The following BSN variants were observed in gnomAD, a reference collection of about 807,000 sequenced individuals.
BSN encodes the protein bassoon presynaptic cytomatrix protein, also known as protein bassoon.
BSN carries 57 observed loss-of-function variants against 264.8 expected under a neutral mutation model. That is an observed-to-expected ratio of 0.22 (90% CI 0.17 to 0.27). The LOEUF (loss-of-function observed/expected upper bound fraction) is 0.27. Ranked by LOEUF, BSN falls within the 10% of genes least tolerant of loss-of-function variation. BSN has a pLI of 1.00. For missense variants in BSN, 4,615 were observed against 5,232.5 expected, an observed-to-expected ratio of 0.88 and a Z score of 3.64; for synonymous variants, 2,059 against 2,137.3, an observed-to-expected ratio of 0.96 and a Z score of 1.01.
Position 49,654,599 on chromosome 3 carries a change from C to T in BSN, c.5043C>T (p.Asp1681=). The T allele has an allele frequency of 6.2e-7, 1 of 1,613,208 alleles. No individual in the cohort carries two copies. Among genetic ancestry groups the T allele is most frequent in the Non-Finnish European group, 8.5e-7 (1 of 1,179,478 alleles). Residue 1681 remains aspartate, a synonymous_variant, in exon 5 of 12, where the codon GAC becomes GAT. Coordinates refer to ENST00000296452, the MANE Select transcript of BSN (RefSeq NM_003458.4). This position sits in a 1 kb window ranked among gnomAD's most constrained non-coding sequence, Gnocchi z 4.1. The stretch of plus-strand genomic sequence containing the variant: ...AGCCCACTCCCATCATCCTCACTGA[C>T]CAGGGCATGGACCTCACCTCTCTTG... The part of the protein sequence containing the change: ...AVKPTPIILT[D]QGMDLTSLAV...
intron 1 of BSN, among the ~76,000 whole-genome samples, chr3:49,601,942 G>A (rs1175653868): frequency 1.3e-5 from 2 of 152,218 alleles, no homozygotes; most frequent in African/African-American, 4.8e-5. Context: ...AGAAGCAGGA[G>A]AACTTGGTGT....
chr3:49,634,002 C>T (rs184647251), intron 2 of BSN, among the ~76,000 whole-genome samples: 41 of 152,030 alleles, frequency 2.7e-4, no homozygotes, highest in African/African-American at 8.0e-4. Flanking sequence ...GTCAGGAGAT[C>T]GAGACCATCT....
chr3:49,654,393 C>T lies in BSN; in HGVS notation c.4837C>T (p.Pro1613Ser). The change falls in exon 5 of 12, where the codon CCT becomes TCT. Residue 1613 changes from proline (P) to serine (S), a missense_variant. Pro to Ser is a moderately conservative substitution (Grantham distance 74). This residue lies in a region of BSN where 3,415 missense variants were observed against 3,866.4 expected (regional missense o/e 0.88). Transcript: ENST00000296452. This position sits in a 1 kb window ranked among gnomAD's most constrained non-coding sequence, Gnocchi z 4.1. Reference protein sequence around the residue: ...SQLPPEPPGPPGFPRVPSAGA... With the variant: ...SQLPPEPPGPSGFPRVPSAGA... Reference sequence around the variant, plus strand: ...GCTGCCCCCAGAGCCACCTGGGCCACCTGGCTTTCCACGGGTGCCCAGTGC... The same window carrying T: ...GCTGCCCCCAGAGCCACCTGGGCCATCTGGCTTTCCACGGGTGCCCAGTGC... 2 of 1,604,520 alleles carry T rather than the reference C, an allele frequency of 1.2e-6. No homozygotes were observed. The highest frequency in any genetic ancestry group is 1.7e-6 in the Non-Finnish European group (2 of 1,176,058).
At position 49,625,316 on chromosome 3, in the gene BSN, C is replaced by A. The variant is rs773807379; in HGVS notation, c.566C>A (p.Thr189Asn). Residue 189 changes from threonine to asparagine, a missense_variant, in exon 2 of 12, where the codon ACC becomes AAC. By Grantham distance (65) the Thr-to-Asn change is moderately conservative (BLOSUM62 0). Transcript: ENST00000296452. The surrounding 1 kb of genome is among the most constrained non-coding windows in gnomAD (Gnocchi z 4.4). ...ACCCCCAGCCAGCCAAACTTCAACACCTGCACCCAGTGTCACAACAAGGTC... is the reference window on the plus strand; with the variant it reads ...ACCCCCAGCCAGCCAAACTTCAACAACTGCACCCAGTGTCACAACAAGGTC... ...TSTPSQPNFN[T>N]CTQCHNKVCN... 6.3e-7 allele frequency: 1 copy of A among 1,590,648 alleles called. No individual in the cohort carries two copies. The highest frequency in any genetic ancestry group is 8.6e-7 in the Non-Finnish European group (1 of 1,168,916).
Position 49,655,301 on chromosome 3 carries a change from C to T in BSN, c.5745C>T (p.Gly1915=), listed in dbSNP as rs1476670355. 4 of 1,611,972 alleles carry T rather than the reference C, an allele frequency of 2.5e-6. No homozygotes were observed. The highest frequency in any genetic ancestry group is 1.7e-5 in the Admixed American group (1 of 59,914). Residue 1915 remains glycine (G), a synonymous_variant, in exon 5 of 12, where the codon GGC becomes GGT. Transcript: ENST00000296452. ...YKLPFGSSCT[G]TFHPAPSVPE... ...TCCCCTTTGGCAGCAGCTGCACTGG[C>T]ACCTTCCACCCGGCCCCCAGTGTGC...
intron 3 of BSN, among the ~76,000 whole-genome samples, chr3:49,645,251 T>C (rs764177794): frequency 1.3e-5 from 2 of 152,186 alleles, no homozygotes; most frequent in African/African-American, 2.4e-5. Flanking sequence ...GAAGTCTCTC[T>C]AACTCCTTTC....
chr3:49,662,310 G>A lies in BSN; in HGVS notation c.10465G>A (p.Ala3489Thr), dbSNP rs747138551. The change falls in exon 6 of 12, where the codon GCC becomes ACC. Residue 3489 changes from alanine to threonine, a missense_variant. Transcript: ENST00000296452. ...AGPKPSSLSM[A>T]HSRVRPPMRS... ...CCCCAAGCCCTCATCCCTAAGTATG[G>A]CCCACAGCCGGGTACGACCCCCCAT... The A allele has an allele frequency of 1.2e-6, 2 of 1,613,756 alleles. No homozygotes were observed. The highest frequency in any genetic ancestry group is 1.1e-5 in the South Asian group (1 of 91,086).
chr3:49,605,619 AAATAT>A (rs2052122930), intron 1 of BSN, among the ~76,000 whole-genome samples: 2 of 21,016 alleles, frequency 9.5e-5, no homozygotes, highest in South Asian at 2.1e-3. Flanking sequence ...TATTATATAT[AAATAT>A]AATATATATT....
intron 1 of BSN, among the ~76,000 whole-genome samples, chr3:49,555,252 A>G (rs2051656284): frequency 6.6e-6 from 1 of 152,240 alleles, no homozygotes; most frequent in African/African-American, 2.4e-5. Flanking sequence ...AGTGGCTGTC[A>G]GGGAAGATAA....
Position 49,654,112 on chromosome 3 carries a change from G to C in BSN, c.4556G>C (p.Arg1519Pro). The change falls in exon 5 of 12, where the codon CGG (arginine) becomes CCG (proline). Residue 1519 changes from arginine to proline, a missense_variant. Transcript: ENST00000296452. The surrounding 1 kb of genome is among the most constrained non-coding windows in gnomAD (Gnocchi z 4.1). Reference sequence around the variant, plus strand: ...CCAGCCCCTGCCTCAGACATGCCACGGAGCCCTGGTGCCCCCACTCCATCA... The same window carrying C: ...CCAGCCCCTGCCTCAGACATGCCACCGAGCCCTGGTGCCCCCACTCCATCA... ...PSPAPASDMP[R>P]SPGAPTPSPM... is the part of the protein sequence containing the mutation. 2.5e-6 allele frequency: 4 copies of C among 1,613,984 alleles called. No individual in the cohort carries two copies. Among genetic ancestry groups the C allele is most frequent in the Non-Finnish European group, 3.4e-6 (4 of 1,180,006 alleles).
intron 1 of BSN, among the ~76,000 whole-genome samples, chr3:49,605,226 A>G (rs894195570): frequency 4.4e-5 from 6 of 135,616 alleles, no homozygotes; most frequent in Non-Finnish European, 9.2e-5. Flanking sequence ...ATTGCACTCC[A>G]GCCTGGGCAA....
chr3:49,616,751 C>T (rs543658858), intron 1 of BSN, among the ~76,000 whole-genome samples: 41 of 152,290 alleles, frequency 2.7e-4, no homozygotes, highest in South Asian at 8.3e-4. Context: ...GTGGTTCTGC[C>T]ATTATGGACG....
rs544981735 is a variant in BSN at position 49,647,476 on chromosome 3, C to T, written c.1519-3136C>T. Among the ~76,000 whole-genome samples, 25 of 152,304 alleles carry T rather than the reference C, an allele frequency of 1.6e-4. 1 individual carries two copies. The South Asian group carries it at 5.0e-3, about 30-fold the overall frequency. Reference sequence around the variant, plus strand: ...TCATCAGAGCCACCCCATTATCCATCCCCTGCCCTTTTGTCAAAGAGGCCA... The same window carrying T: ...TCATCAGAGCCACCCCATTATCCATTCCCTGCCCTTTTGTCAAAGAGGCCA... On this transcript the variant is annotated intron_variant, in intron 3 of 11. Transcript: ENST00000296452.
intron 3 of BSN, among the ~76,000 whole-genome samples, chr3:49,646,183 GA>G (rs911863396): frequency 1.5e-4 from 22 of 151,168 alleles, no homozygotes; most frequent in Non-Finnish European, 2.8e-4. Flanking sequence ...ACTTTCCTCT[GA>G]AAAAAAATAA....
At position 49,653,348 on chromosome 3, in the gene BSN, A is replaced by G. The variant is rs2052561509; in HGVS notation, c.3792A>G (p.Ser1264=). 6.2e-7 allele frequency: 1 copy of G among 1,612,790 alleles called. No homozygotes were observed. Among genetic ancestry groups the G allele is most frequent in the Non-Finnish European group, 8.5e-7 (1 of 1,179,530 alleles). The change falls in exon 5 of 12, where the codon TCA becomes TCG. Residue 1264 remains serine (S), a synonymous_variant. Coordinates refer to ENST00000296452, the MANE Select transcript of BSN (RefSeq NM_003458.4). The surrounding 1 kb of genome is among the most constrained non-coding windows in gnomAD (Gnocchi z 6.3). The part of the protein sequence containing the change: ...AAVYEEILQT[S]QSIVRMRQAS... Reference sequence around the variant, plus strand: ...TGTACGAAGAAATCCTTCAGACATCACAGAGCATAGTCCGCATGCGGCAGG... The same window carrying G: ...TGTACGAAGAAATCCTTCAGACATCGCAGAGCATAGTCCGCATGCGGCAGG...
rs750529726 is a variant in BSN at position 49,656,954 on chromosome 3, A to G, written c.7398A>G (p.Leu2466=). 36 of 1,605,684 alleles carry G rather than the reference A, an allele frequency of 2.2e-5. No individual in the cohort carries two copies. The highest frequency in any genetic ancestry group is 3.3e-4 in the Middle Eastern group (2 of 6,062). The change falls in exon 5 of 12, where the codon CTA becomes CTG. Residue 2466 remains leucine, a synonymous_variant. Transcript: ENST00000296452. ...TGCAGCAGCAGCTGCAGCAGCAGCTAGAGGAGCAGAAGCAGCGGCAGAAGG... is the reference window on the plus strand; with the variant it reads ...TGCAGCAGCAGCTGCAGCAGCAGCTGGAGGAGCAGAAGCAGCGGCAGAAGG... ...QQLQQQLQQQ[L]EEQKQRQKAP...
Position 49,660,412 on chromosome 3 carries a change from G to A in BSN, c.8641-74G>A. 22 of 1,505,930 alleles carry A rather than the reference G, an allele frequency of 1.5e-5. 1 individual carries two copies. In the South Asian group the frequency reaches 2.6e-4, roughly 18 times the overall value. The allele number at this position is 1,505,930 out of a possible 1,614,324, so 93.3% of individuals were successfully genotyped here. On this transcript the variant is annotated intron_variant, in intron 5 of 11. Transcript: ENST00000296452. This position sits in a 1 kb window ranked among gnomAD's most constrained non-coding sequence, Gnocchi z 7.1. ...AGCTCCTTCCCCAGCCCAGGCCTGG[G>A]TTCTGCCACCCCACACCCCATCAAG... is the stretch of plus-strand genomic sequence containing the variant.
chr3:49,565,469 C>T (rs1376668550), intron 1 of BSN, among the ~76,000 whole-genome samples: 2 of 151,914 alleles, frequency 1.3e-5, no homozygotes, highest in Admixed American at 6.6e-5. Flanking sequence ...TACAGCCGCC[C>T]GCCACTACTC....
chr3:49,600,406 T>A (rs2052064848), intron 1 of BSN, among the ~76,000 whole-genome samples: 1 of 152,048 alleles, frequency 6.6e-6, no homozygotes, highest in African/African-American at 2.4e-5. Context: ...TACATGAGGT[T>A]GAGTAGGGTG....
Sources: gnomAD v4.1 joint callset for allele counts (sites outside exome capture counted in the v4.1 genomes callset) on GRCh38, gnomAD v4.1.1 for gene constraint, gnomAD v4.1.1 regional missense constraint, Gnocchi (gnomAD v3.1) non-coding constraint, MANE v1.5 for transcripts, NCBI Gene and HGNC (gene_info 2026-07-23, HGNC 2026-07-21) for gene names.